Variants in ZNF488 observed in about 807,000 individuals in gnomAD.
The protein encoded by ZNF488 is zinc finger protein 488.
In ZNF488, 1 loss-of-function variant was observed where a neutral mutation model predicts 1.2. That is an observed-to-expected ratio of 0.86 (90% CI 0.30 to 4.07). ZNF488 has a LOEUF of 4.07. Among genes scored for constraint, ZNF488 ranks in the 30% most tolerant of loss-of-function variants. The probability of loss-of-function intolerance (pLI) is 0.18; values close to 1 mark genes in which losing one functional copy is unlikely to be tolerated. For missense variants in ZNF488, 450 were observed against 437.9 expected, an observed-to-expected ratio of 1.03 and a Z score of -0.25; for synonymous variants, 185 against 190.1, an observed-to-expected ratio of 0.97 and a Z score of 0.22.
Position 47,367,987 on chromosome 10 carries a change from G to A in ZNF488, c.843C>T (p.Asn281=). The A allele has an allele frequency of 1.2e-6, 2 of 1,614,142 alleles. No homozygotes were observed. Among genetic ancestry groups the A allele is most frequent in the Non-Finnish European group, 1.7e-6 (2 of 1,180,032 alleles). The change falls in exon 2 of 2, where the codon AAC becomes AAT. Residue 281 remains asparagine (N), a synonymous_variant. Transcript: ENST00000585316. ...GGTCGGACGTTAGGCGAAAGGACAG[G>A]TTGCACTTTGCACACCAGTTCTGGG... ...LSTQNWCAKC[N]LSFRLTSDLV...
chr10:47,379,211 A>T (rs1404135338), intron 1 of ZNF488, among the ~76,000 whole-genome samples: 1 of 149,658 alleles, frequency 6.7e-6, no homozygotes, highest in Non-Finnish European at 1.5e-5. Flanking sequence ...AGTATTAACA[A>T]ATGAAATAAG....
In ZNF488 at chr10:47,366,670, A is replaced by T. The variant is rs1475154999; in HGVS notation, c.*1137T>A. On this transcript the variant is annotated 3_prime_UTR_variant, in exon 2 of 2. Transcript: ENST00000585316. Reference sequence around the variant, plus strand: ...TGGGCTCCACACATCCTTAGGAACAAGGGCTGATGCGGGTACCTACAACAG... The same window carrying T: ...TGGGCTCCACACATCCTTAGGAACATGGGCTGATGCGGGTACCTACAACAG... 6.0e-6 allele frequency: 1 copy of T among 167,136 alleles called. No homozygotes were observed. Among genetic ancestry groups the T allele is most frequent in the Non-Finnish European group, 1.5e-5 (1 of 68,134 alleles). The allele number at this position is 167,136 out of a possible 1,614,324, so 10.4% of individuals were successfully genotyped here.
At chr10:47,375,432 G>A (rs988143195) in intron 1 of ZNF488, among the ~76,000 whole-genome samples, 5 of 152,140 alleles carry the variant, frequency 3.3e-5, no homozygotes, top group Admixed American at 3.3e-4. Flanking sequence ...CAGCCAGAAT[G>A]GGATTATTTA....
chr10:47,366,244 A>T lies in ZNF488; in HGVS notation c.*1563T>A, dbSNP rs1414722898. 6.0e-6 allele frequency: 1 copy of T among 167,198 alleles called. No homozygotes were observed. Among genetic ancestry groups the T allele is most frequent in the Admixed American group, 6.5e-5 (1 of 15,290 alleles). The allele number at this position is 167,198 out of a possible 1,614,324, so 10.4% of individuals were successfully genotyped here. On this transcript the variant is annotated 3_prime_UTR_variant, in exon 2 of 2. Transcript: ENST00000585316. ...AGGCCTGTAAGTGTGAAGGGCAGCCACAGGGTTGGAGGCATCATCTGAGTT... is the reference window on the plus strand; with the variant it reads ...AGGCCTGTAAGTGTGAAGGGCAGCCTCAGGGTTGGAGGCATCATCTGAGTT...
chr10:47,373,571 C>T (rs1837559079), intron 1 of ZNF488, among the ~76,000 whole-genome samples: 1 of 152,142 alleles, frequency 6.6e-6, no homozygotes, highest in African/African-American at 2.4e-5. Flanking sequence ...AAGGAGGCTC[C>T]CACCTCACCC....
At chr10:47,373,940 A>G (rs1837576210) in intron 1 of ZNF488, among the ~76,000 whole-genome samples, 1 of 152,212 alleles carries the variant, frequency 6.6e-6, no homozygotes, top group Non-Finnish European at 1.5e-5. Context: ...ACACTGTTTT[A>G]TTCCCATGCC....
intron 1 of ZNF488, among the ~76,000 whole-genome samples, chr10:47,383,462 G>A (rs1033956541): frequency 2.0e-5 from 3 of 152,178 alleles, no homozygotes; most frequent in African/African-American, 7.2e-5. Flanking sequence ...GGCAGGTGTG[G>A]GTGGGAACGC....
intron 1 of ZNF488, among the ~76,000 whole-genome samples, 168 bp from the exon 2 acceptor site, chr10:47,369,105 CCAT>C (rs1161646202): frequency 6.6e-6 from 1 of 152,224 alleles, no homozygotes; most frequent in African/African-American, 2.4e-5. Context: ...ATGGATGGCA[CCAT>C]CCTCCAGGGC....
At position 47,371,255 on chromosome 10, in the gene ZNF488, A is replaced by G. The variant is rs144451290; in HGVS notation, c.-108-2318T>C. ...ACCTGACTGTTTTTAGAAATAAATG[A>G]TTCATTTTTTAAGTGTGGCTATAAA... is the stretch of plus-strand genomic sequence containing the variant. On this transcript the variant is annotated intron_variant, in intron 1 of 1. Transcript: ENST00000585316. Among the ~76,000 whole-genome samples the G allele has an allele frequency of 3.2e-3, 487 of 152,268 alleles. 1 individual carries two copies. Among genetic ancestry groups the G allele is most frequent in the African/African-American group, 0.01 (420 of 41,550 alleles).
rs1295438559 is a variant in ZNF488 at position 47,365,864 on chromosome 10, A to G, written c.*1943T>C. ...GAGAAACGGCACCAGAGCTGTGGTCAGAACACGGGAGCAGACAGTGGAACA... is the reference window on the plus strand; with the variant it reads ...GAGAAACGGCACCAGAGCTGTGGTCGGAACACGGGAGCAGACAGTGGAACA... On this transcript the variant is annotated 3_prime_UTR_variant, in exon 2 of 2. Transcript: ENST00000585316. 6.0e-6 allele frequency: 1 copy of G among 167,212 alleles called. No homozygotes were observed. Among genetic ancestry groups the G allele is most frequent in the Admixed American group, 6.5e-5 (1 of 15,288 alleles). The allele number at this position is 167,212 out of a possible 1,614,324, so 10.4% of individuals were successfully genotyped here.
intron 1 of ZNF488, among the ~76,000 whole-genome samples, chr10:47,377,671 T>TCACA (rs55901237): frequency 0.1 from 10,521 of 104,800 alleles, 933 homozygotes; most frequent in Non-Finnish European, 0.13. Context: ...GCAATAACAA[T>TCACA]CACACACACA....
chr10:47,368,010 G>A lies in ZNF488; in HGVS notation c.820C>T (p.Gln274Ter). ...PTLTSLGLST[Q>*]NWCAKCNLSF... The stretch of plus-strand genomic sequence containing the variant: ...AGGTTGCACTTTGCACACCAGTTCT[G>A]GGTGGACAAGCCCAGGGAGGTGAGG... Residue 274 changes from glutamine (Q) to a stop codon, truncating the protein, a stop_gained, in exon 2 of 2, where the codon CAG becomes TAG. Coordinates refer to ENST00000585316, the MANE Select transcript of ZNF488 (RefSeq NM_153034.4). LOFTEE classifies it low-confidence loss of function (END_TRUNC). 6.2e-7 allele frequency: 1 copy of A among 1,614,138 alleles called. No homozygotes were observed.
chr10:47,368,925 C>A lies in ZNF488; in HGVS notation c.-96G>T, dbSNP rs184590747. On this transcript the variant is annotated 5_prime_UTR_variant, in exon 2 of 2. Transcript: ENST00000585316. ...CCCATGACACTGGGCTGGACACACT[C>A]GGCCACAGGGCCCTGCAGAGAGAGG... 1 of 1,427,930 alleles carries A rather than the reference C, an allele frequency of 7.0e-7. No homozygotes were observed. Among genetic ancestry groups the A allele is most frequent in the African/African-American group, 1.4e-5 (1 of 70,062 alleles). 88.5% of individuals were successfully genotyped at this position (1,427,930 alleles called of 1,614,324 possible).
chr10:47,378,259 G>A lies in ZNF488; in HGVS notation c.-109+5961C>T, dbSNP rs377018383. On this transcript the variant is annotated intron_variant, in intron 1 of 1. Coordinates refer to ENST00000585316, the MANE Select transcript of ZNF488 (RefSeq NM_153034.4). The stretch of plus-strand genomic sequence containing the variant: ...TCAGCCTCACCCTGGAAGTGCCCAC[G>A]GTGTGGAAGGGAAGACATGCACTGA... Among the ~76,000 whole-genome samples the A allele has an allele frequency of 4.6e-5, 7 of 152,306 alleles. No individual in the cohort carries two copies. The East Asian group carries it at 7.7e-4, about 17-fold the overall frequency.
rs782733615 is a variant in ZNF488 at position 47,368,371 on chromosome 10, G to A, written c.459C>T (p.Ser153=). 2.3e-5 allele frequency: 37 copies of A among 1,614,054 alleles called. No individual in the cohort carries two copies. Among genetic ancestry groups the A allele is most frequent in the Non-Finnish European group, 2.8e-5 (33 of 1,180,052 alleles). The change falls in exon 2 of 2, where the codon AGC becomes AGT. Residue 153 remains serine (S), a synonymous_variant. Transcript: ENST00000585316. ...AGSKVFSVWP[S]GARSEQRSAF... is the part of the protein sequence containing the mutation. ...CGCTTCTTTGCTCACTTCGTGCTCCGCTGGGCCACACAGAGAAGACTTTGC... is the reference window on the plus strand; with the variant it reads ...CGCTTCTTTGCTCACTTCGTGCTCCACTGGGCCACACAGAGAAGACTTTGC...
intron 1 of ZNF488, among the ~76,000 whole-genome samples, chr10:47,383,809 G>A: frequency 6.6e-6 from 1 of 152,168 alleles, no homozygotes; most frequent in Non-Finnish European, 1.5e-5. Flanking sequence ...GTGGGAGGGA[G>A]GAAAACAACT....
Position 47,368,441 on chromosome 10 carries a change from C to A in ZNF488, c.389G>T (p.Gly130Val). 1 of 1,614,084 alleles carries A rather than the reference C, an allele frequency of 6.2e-7. No homozygotes were observed. The highest frequency in any genetic ancestry group is 8.5e-7 in the Non-Finnish European group (1 of 1,180,028). The stretch of plus-strand genomic sequence containing the variant: ...GATGTTCTGGGTCAGCTGTGGGGCA[C>A]CAGGTTGGCCTGTGGGGTCATCGTG... The part of the protein sequence containing the change: ...REHDDPTGQP[G>V]APQLTQNIPR... The change falls in exon 2 of 2, where the codon GGT becomes GTT. Residue 130 changes from glycine to valine, a missense_variant. By Grantham distance (109) the Gly-to-Val change is moderately radical. Coordinates refer to ENST00000585316, the MANE Select transcript of ZNF488 (RefSeq NM_153034.4).
In ZNF488 at chr10:47,368,296, T is replaced by C; in HGVS notation, c.534A>G (p.Ser178=). The change falls in exon 2 of 2, where the codon TCA becomes TCG. Residue 178 remains serine, a synonymous_variant. Transcript: ENST00000585316. ...KRPAERPELT[S]VFPAGESADA... is the part of the protein sequence containing the mutation. Reference sequence around the variant, plus strand: ...CTGCAGATTCCCCTGCAGGGAAGACTGAGGTTAGCTCAGGCCTCTCTGCTG... The same window carrying C: ...CTGCAGATTCCCCTGCAGGGAAGACCGAGGTTAGCTCAGGCCTCTCTGCTG... 6.2e-7 allele frequency: 1 copy of C among 1,614,212 alleles called. No homozygotes were observed. Among genetic ancestry groups the C allele is most frequent in the Non-Finnish European group, 8.5e-7 (1 of 1,180,030 alleles).
Position 47,368,305 on chromosome 10 carries a change from C to A in ZNF488, c.525G>T (p.Glu175Asp), listed in dbSNP as rs369021822. Residue 175 changes from glutamate to aspartate, a missense_variant, in exon 2 of 2, where the codon GAG becomes GAT. Physicochemically the swap from Glu to Asp is conservative, Grantham distance 45 (BLOSUM62 2). Coordinates refer to ENST00000585316, the MANE Select transcript of ZNF488 (RefSeq NM_153034.4). ...CCCCTGCAGGGAAGACTGAGGTTAG[C>A]TCAGGCCTCTCTGCTGGTCGCTTGG... ...KPTKRPAERP[E>D]LTSVFPAGES... 20 of 1,614,108 alleles carry A rather than the reference C, an allele frequency of 1.2e-5. No individual in the cohort carries two copies. The South Asian group carries it at 2.0e-4, about 16-fold the overall frequency.
Sources: gnomAD v4.1 joint callset for allele counts (sites outside exome capture counted in the v4.1 genomes callset) on GRCh38, gnomAD v4.1.1 for gene constraint, MANE v1.5 for transcripts, NCBI Gene and HGNC (gene_info 2026-07-23, HGNC 2026-07-21) for gene names.